Variants in ZCCHC7 observed in about 807,000 individuals in gnomAD.
The protein encoded by ZCCHC7 is zinc finger CCHC domain-containing protein 7.
Under a neutral mutation model 52.0 loss-of-function variants are expected in ZCCHC7, and 35 were observed. The observed-to-expected ratio is 0.67, with a 90% CI of 0.51 to 0.89. The LOEUF is 0.89. Ranked by LOEUF, ZCCHC7 falls within the 40% of genes least tolerant of loss-of-function variation. ZCCHC7 has a pLI of 0.00. For missense variants in ZCCHC7, 574 were observed against 649.1 expected, an observed-to-expected ratio of 0.88 and a Z score of 1.26; for synonymous variants, 217 against 221.5, an observed-to-expected ratio of 0.98 and a Z score of 0.18.
intron 1 of ZCCHC7, among the ~76,000 whole-genome samples, chr9:37,124,063 A>G (rs566393945): frequency 6.5e-4 from 99 of 152,322 alleles, no homozygotes; most frequent in African/African-American, 2.2e-3. Context: ...AGGTGGTTCT[A>G]TTACCAGAAC....
intron 2 of ZCCHC7, among the ~76,000 whole-genome samples, chr9:37,135,278 A>T (rs1842952866): frequency 1.3e-5 from 2 of 152,242 alleles, no homozygotes; most frequent in African/African-American, 4.8e-5. Flanking sequence ...CACTTGTTAC[A>T]GTCTTAAAAT....
At chr9:37,281,625 A>G (rs1036774663) in intron 2 of ZCCHC7, among the ~76,000 whole-genome samples, 1 of 152,244 alleles carries the variant, frequency 6.6e-6, no homozygotes, top group Non-Finnish European at 1.5e-5. Flanking sequence ...CTCATTTTGA[A>G]TCTCATTTTG....
chr9:37,228,446 A>G (rs1161527164), intron 2 of ZCCHC7, among the ~76,000 whole-genome samples: 2 of 151,922 alleles, frequency 1.3e-5, no homozygotes, highest in Non-Finnish European at 2.9e-5. Context: ...GCAGTGGCAC[A>G]GTCGTGGCTA....
In ZCCHC7 at chr9:37,278,268, G is replaced by T. The variant is rs117767820; in HGVS notation, c.611-23920G>T. Among the ~76,000 whole-genome samples, 51 of 152,122 alleles carry T rather than the reference G, an allele frequency of 3.4e-4. 1 individual carries two copies. In the East Asian group the frequency reaches 9.4e-3, roughly 28 times the overall value. ...GTTATTAGTTATGACTATGCTCAAG[G>T]ATATAAAATGGCATACAATAAAATA... On this transcript the variant is annotated intron_variant, in intron 2 of 8. Coordinates refer to ENST00000336755, the MANE Select transcript of ZCCHC7 (RefSeq NM_032226.3).
intron 2 of ZCCHC7, among the ~76,000 whole-genome samples, chr9:37,165,783 A>G (rs1489625904): frequency 6.6e-6 from 1 of 152,234 alleles, no homozygotes; most frequent in Non-Finnish European, 1.5e-5. Context: ...AAAATAAAAT[A>G]TAAAAACTGT....
chr9:37,234,883 CT>C (rs1482940625), intron 2 of ZCCHC7, among the ~76,000 whole-genome samples: 2 of 152,034 alleles, frequency 1.3e-5, no homozygotes, highest in Non-Finnish European at 2.9e-5. Context: ...GTCGTTTTAC[CT>C]GCAGTGTCAT....
chr9:37,208,307 A>T (rs1213020369), intron 2 of ZCCHC7, among the ~76,000 whole-genome samples: 1 of 152,082 alleles, frequency 6.6e-6, no homozygotes, highest in African/African-American at 2.4e-5. Flanking sequence ...GCTGGTCTTG[A>T]ACTCCTGAGC....
In ZCCHC7 at chr9:37,126,801, G is replaced by A. The variant is rs1397381798; in HGVS notation, c.469G>A (p.Val157Ile). The A allele has an allele frequency of 1.2e-6, 2 of 1,613,986 alleles. No homozygotes were observed. The highest frequency in any genetic ancestry group is 1.7e-5 in the Admixed American group (1 of 60,002). Residue 157 changes from valine to isoleucine, a missense_variant, in exon 2 of 9, where the codon GTC becomes ATC. Val to Ile is a conservative substitution (Grantham distance 29, BLOSUM62 3). Around this residue, in one of 3 missense-constraint regions of ZCCHC7, gnomAD observed 403 missense variants for 461.2 expected, o/e 0.87. Transcript: ENST00000336755. ...AATCCGAGAGGTCATGATTATAGAG[G>A]TCAGTTCAAGTGAAGAGGAAGAGAG... The part of the protein sequence containing the change: ...GVIREVMIIE[V>I]SSSEEEESTI...
At chr9:37,151,888 GGTT>G (rs1820551137) in intron 2 of ZCCHC7, among the ~76,000 whole-genome samples, 1 of 152,024 alleles carries the variant, frequency 6.6e-6, no homozygotes, top group African/African-American at 2.4e-5. Context: ...AGATCCTGTG[GGTT>G]GTTTCTTAGT....
At chr9:37,350,087 C>T (rs916047546) in intron 7 of ZCCHC7, among the ~76,000 whole-genome samples, 3 of 149,304 alleles carry the variant, frequency 2.0e-5, no homozygotes, top group Non-Finnish European at 3.0e-5. Flanking sequence ...CACACCTGGC[C>T]GATTTTAGAT....
At chr9:37,311,793 A>G (rs1829616964) in intron 5 of ZCCHC7, among the ~76,000 whole-genome samples, 1 of 152,216 alleles carries the variant, frequency 6.6e-6, no homozygotes, top group African/African-American at 2.4e-5. Context: ...GTTTATTTTA[A>G]GGAGAACTCA....
chr9:37,175,714 C>T (rs182095198), intron 2 of ZCCHC7, among the ~76,000 whole-genome samples: 1 of 152,188 alleles, frequency 6.6e-6, no homozygotes, highest in East Asian at 1.9e-4. Flanking sequence ...GTACTCCAGC[C>T]TGGACAACAG....
intron 5 of ZCCHC7, among the ~76,000 whole-genome samples, chr9:37,312,832 T>A (rs1829655169): frequency 6.6e-6 from 1 of 152,242 alleles, no homozygotes; most frequent in African/African-American, 2.4e-5. Flanking sequence ...CTAATTTCCC[T>A]GCTCAACTTA....
chr9:37,304,333 C>T lies in ZCCHC7; in HGVS notation c.780+20C>T. The T allele has an allele frequency of 6.2e-7, 1 of 1,610,406 alleles. No homozygotes were observed. Among genetic ancestry groups the T allele is most frequent in the Non-Finnish European group, 8.5e-7 (1 of 1,177,908 alleles). On this transcript the variant is annotated intron_variant, in intron 4 of 8. Coordinates refer to ENST00000336755, the MANE Select transcript of ZCCHC7 (RefSeq NM_032226.3). ...CCACGAGTACGTGAAATATGCTTTG[C>T]TTCTTTCCACATTTGTAAACTCAAA... is the stretch of plus-strand genomic sequence containing the variant.
At chr9:37,125,917 C>A (rs1418245871) in intron 1 of ZCCHC7, among the ~76,000 whole-genome samples, 1 of 152,160 alleles carries the variant, frequency 6.6e-6, no homozygotes, top group South Asian at 2.1e-4. Flanking sequence ...TATTTGGCAC[C>A]GTTACATGCT....
chr9:37,298,206 GTA>G (rs1828872515), intron 2 of ZCCHC7, among the ~76,000 whole-genome samples: 1 of 152,196 alleles, frequency 6.6e-6, no homozygotes, highest in African/African-American at 2.4e-5. Flanking sequence ...GTAATTGTCT[GTA>G]TGTGTAATAA....
chr9:37,313,984 A>G (rs1829705072), intron 5 of ZCCHC7, among the ~76,000 whole-genome samples: 2 of 152,238 alleles, frequency 1.3e-5, no homozygotes, highest in South Asian at 2.1e-4. Flanking sequence ...TTTAAATTGT[A>G]CTAAATGGTT....
intron 2 of ZCCHC7, among the ~76,000 whole-genome samples, chr9:37,236,382 CTTT>C (rs565230377): frequency 1.4e-5 from 2 of 144,908 alleles, no homozygotes. Context: ...ATTTCTCTAC[CTTT>C]TTTTTTTTTA....
At chr9:37,351,216 T>C (rs543724769) in intron 7 of ZCCHC7, among the ~76,000 whole-genome samples, 2 of 152,210 alleles carry the variant, frequency 1.3e-5, no homozygotes, top group Non-Finnish European at 2.9e-5. Context: ...CAGTTTTTGC[T>C]CTGCTACTGA....
Sources: gnomAD v4.1 joint callset for allele counts (sites outside exome capture counted in the v4.1 genomes callset) on GRCh38, gnomAD v4.1.1 for gene constraint, gnomAD v4.1.1 regional missense constraint, MANE v1.5 for transcripts, NCBI Gene and HGNC (gene_info 2026-07-23, HGNC 2026-07-21) for gene names.